The following DLG2 variants were observed in gnomAD, a reference collection of about 807,000 sequenced individuals.
DLG2 encodes discs large MAGUK scaffold protein 2.
A neutral mutation model predicts 132.5 loss-of-function variants in DLG2; 45 were observed. The observed-to-expected ratio is 0.34, with a 90% CI of 0.27 to 0.44. The LOEUF (loss-of-function observed/expected upper bound fraction) is 0.44. Among genes scored for constraint, DLG2 ranks in the 20% least tolerant of loss-of-function variants. The probability of loss-of-function intolerance (pLI) is 1.00; values close to 1 mark genes in which losing one functional copy is unlikely to be tolerated. For missense variants in DLG2, 1,045 were observed against 1,196.9 expected (o/e 0.87, Z 1.87); for synonymous variants, 424 against 419.6 (o/e 1.01, Z -0.13).
At chr11:84,389,050 C>A (rs1181420270) in intron 7 of DLG2, among the ~76,000 whole-genome samples, 1 of 152,084 alleles carries the variant, frequency 6.6e-6, no homozygotes, top group Non-Finnish European at 1.5e-5. Context: ...CAACTCCCTG[C>A]ATTTTATTTT....
At chr11:83,638,483 C>T (rs765368625) in intron 18 of DLG2, among the ~76,000 whole-genome samples, 6 of 152,134 alleles carry the variant, frequency 3.9e-5, no homozygotes, top group Non-Finnish European at 7.3e-5. Context: ...AAGATTGGCG[C>T]TTGGTAATGA....
intron 3 of DLG2, among the ~76,000 whole-genome samples, chr11:85,388,366 G>T (rs1327177369): frequency 1.3e-5 from 2 of 152,056 alleles, no homozygotes; most frequent in Admixed American, 6.5e-5. Flanking sequence ...TTCTCTACCT[G>T]CCCTGGCAGC....
intron 7 of DLG2, among the ~76,000 whole-genome samples, chr11:84,296,335 C>G (rs1211321756): frequency 6.6e-6 from 1 of 152,172 alleles, no homozygotes; most frequent in Non-Finnish European, 1.5e-5. Context: ...GAGAAACAGA[C>G]AGGATTCCAC....
chr11:83,940,225 T>C (rs1343748876), intron 14 of DLG2, among the ~76,000 whole-genome samples: 3 of 152,236 alleles, frequency 2.0e-5, no homozygotes, highest in Non-Finnish European at 2.9e-5. Flanking sequence ...AAGTCCCTGG[T>C]TTCTATCAGG....
At chr11:84,514,211 G>C (rs1267026425) in intron 7 of DLG2, among the ~76,000 whole-genome samples, 1 of 151,920 alleles carries the variant, frequency 6.6e-6, no homozygotes, top group Non-Finnish European at 1.5e-5. Flanking sequence ...GTGGGGATGT[G>C]GAGAAAAGGA....
At chr11:85,090,074 C>G (rs779198453) in intron 6 of DLG2, among the ~76,000 whole-genome samples, 7 of 152,170 alleles carry the variant, frequency 4.6e-5, no homozygotes, top group African/African-American at 7.2e-5. Context: ...TTCTTTGTCC[C>G]TGAGTTGTCC....
intron 6 of DLG2, among the ~76,000 whole-genome samples, chr11:84,793,020 T>C (rs1214260180): frequency 2.6e-5 from 4 of 152,090 alleles, no homozygotes; most frequent in Non-Finnish European, 2.9e-5. Context: ...AATTTGAAGT[T>C]TTTCTCTTTT....
intron 16 of DLG2, among the ~76,000 whole-genome samples, chr11:83,868,950 C>T (rs2062912505): frequency 6.6e-6 from 1 of 152,130 alleles, no homozygotes. Flanking sequence ...GGGCCAGCTA[C>T]CTAAAGTCCA....
At chr11:84,633,791 A>C (rs1022224369) in intron 6 of DLG2, among the ~76,000 whole-genome samples, 1 of 152,128 alleles carries the variant, frequency 6.6e-6, no homozygotes, top group Admixed American at 6.5e-5. Context: ...CTTATGATGC[A>C]GGGACTGAAC....
chr11:84,799,659 T>C (rs1016627928), intron 6 of DLG2, among the ~76,000 whole-genome samples: 1 of 152,194 alleles, frequency 6.6e-6, no homozygotes, highest in Non-Finnish European at 1.5e-5. Flanking sequence ...AGAGGAAAGA[T>C]AATTTTGAGA....
chr11:85,314,564 C>G (rs902078355), intron 3 of DLG2, among the ~76,000 whole-genome samples: 2 of 151,704 alleles, frequency 1.3e-5, no homozygotes, highest in African/African-American at 4.8e-5. Context: ...CTCCAGTGTC[C>G]TATAAGTAGA....
intron 18 of DLG2, among the ~76,000 whole-genome samples, chr11:83,708,839 T>A (rs10898151): frequency 0.33 from 50,152 of 151,984 alleles, 9,850 homozygotes; most frequent in African/African-American, 0.55. Context: ...CTGTGTAGGC[T>A]TAGTGGGTAT....
chr11:85,147,606 C>T (rs1156515281), intron 5 of DLG2, among the ~76,000 whole-genome samples: 1 of 152,056 alleles, frequency 6.6e-6, no homozygotes, highest in Non-Finnish European at 1.5e-5. Context: ...TTTTCATATG[C>T]ATAATATCAT....
chr11:85,606,088 G>A (rs1320852443), intron 2 of DLG2, among the ~76,000 whole-genome samples: 2 of 152,222 alleles, frequency 1.3e-5, no homozygotes, highest in African/African-American at 4.8e-5. Context: ...ACCAAGGGTA[G>A]AATGTCAAGT....
chr11:83,804,403 T>C (rs796412383), intron 17 of DLG2, among the ~76,000 whole-genome samples: 8 of 152,234 alleles, frequency 5.3e-5, no homozygotes, highest in African/African-American at 1.9e-4. Flanking sequence ...ATCTGAACTA[T>C]TGAAACAGGC....
chr11:84,018,659 T>A (rs2095294871), intron 11 of DLG2, among the ~76,000 whole-genome samples: 1 of 151,818 alleles, frequency 6.6e-6, no homozygotes, highest in Admixed American at 6.6e-5. Context: ...CAGCTGCCAT[T>A]TTTTTTTCTT....
At chr11:84,576,314 AT>A (rs1179202838) in intron 6 of DLG2, among the ~76,000 whole-genome samples, 12 of 152,166 alleles carry the variant, frequency 7.9e-5, no homozygotes, top group African/African-American at 2.9e-4. Context: ...ATCTGTATCT[AT>A]TTATCAATCT....
Position 85,623,220 on chromosome 11 carries a change from T to A in DLG2, c.-93+3367A>T, listed in dbSNP as rs186481941. Among the ~76,000 whole-genome samples, 48 of 152,022 alleles carry A rather than the reference T, an allele frequency of 3.2e-4. No homozygotes were observed. In the East Asian group the frequency reaches 6.7e-3, roughly 21 times the overall value. Reference sequence around the variant, plus strand: ...ATCACTGAGAACCACTGCAAAAAAATAATTCAAAGGAAATAAAGGGTCATA... The same window carrying A: ...ATCACTGAGAACCACTGCAAAAAAAAAATTCAAAGGAAATAAAGGGTCATA... On this transcript the variant is annotated intron_variant, in intron 2 of 27. Transcript: ENST00000376104.
At chr11:84,866,756 G>A (rs191313874) in intron 6 of DLG2, among the ~76,000 whole-genome samples, 38 of 152,196 alleles carry the variant, frequency 2.5e-4, no homozygotes, top group East Asian at 1.4e-3. Flanking sequence ...AATCCTATGC[G>A]GTAGTTATAC....
Sources: gnomAD v4.1 joint callset for allele counts (sites outside exome capture counted in the v4.1 genomes callset) on GRCh38, gnomAD v4.1.1 for gene constraint, MANE v1.5 for transcripts, NCBI Gene and HGNC (gene_info 2026-07-23, HGNC 2026-07-21) for gene names.